The following THEMIS2 variants were observed in gnomAD, a reference collection of about 807,000 sequenced individuals.
THEMIS2 encodes the protein protein THEMIS2.
Under a neutral mutation model 46.8 loss-of-function variants are expected in THEMIS2, and 29 were observed. The ratio of observed to expected loss-of-function variants is 0.62; its 90% confidence interval spans 0.46 to 0.84. The LOEUF (loss-of-function observed/expected upper bound fraction) is 0.84. THEMIS2 is among the 40% of genes least tolerant of loss of function. The probability of loss-of-function intolerance (pLI) is 0.00; values close to 1 mark genes in which losing one functional copy is unlikely to be tolerated. For synonymous variants in THEMIS2, 335 were observed against 349.1 expected (o/e 0.96, Z 0.45); for missense variants, 698 against 834.7 (o/e 0.84, Z 2.02).
In THEMIS2 at chr1:27,882,199, A is replaced by G. The variant is rs1241941280; in HGVS notation, c.875A>G (p.Tyr292Cys). ...CAAAAAGGCCAGAGGCTTTGCGTCT[A>G]TGGCCTAGCCTCACCACCCTGGCGG... ...SLQKGQRLCV[Y>C]GLASPPWRVL... The change falls in exon 4 of 6, where the codon TAT (tyrosine) becomes TGT (cysteine). Residue 292 changes from tyrosine (Y) to cysteine (C), a missense_variant. Transcript: ENST00000373921. This position sits in a 1 kb window ranked among gnomAD's most constrained non-coding sequence, Gnocchi z 7.6. 24 of 1,613,460 alleles carry G rather than the reference A, an allele frequency of 1.5e-5. No individual in the cohort carries two copies. The highest frequency in any genetic ancestry group is 2.0e-5 in the Non-Finnish European group (24 of 1,179,668).
intron 3 of THEMIS2, among the ~76,000 whole-genome samples, chr1:27,880,346 G>A (rs770933644): frequency 1.3e-5 from 2 of 152,004 alleles, no homozygotes; most frequent in Non-Finnish European, 2.9e-5. Flanking sequence ...CACCATGCCC[G>A]GCTAATTTTT....
In THEMIS2 at chr1:27,879,885, G is replaced by A. The variant is rs2089649635; in HGVS notation, c.477G>A (p.Leu159=). Residue 159 remains leucine (L), a synonymous_variant, in exon 3 of 6, where the codon CTG becomes CTA. Coordinates refer to ENST00000373921, the MANE Select transcript of THEMIS2 (RefSeq NM_001105556.3). ...AGGGTCAGCAGGTCATCCTGCACCT[G>A]CCCCTATCCCAGAAGGGGCCCTTCT... ...GMEGQQVILH[L]PLSQKGPFWT... The A allele has an allele frequency of 6.2e-7, 1 of 1,612,932 alleles. No homozygotes were observed.
rs1459750611 is a variant in THEMIS2 at position 27,882,443 on chromosome 1, G to T, written c.1119G>T (p.Arg373=). The part of the protein sequence containing the change: ...PEFTSLAVGD[R]LEVLGPGQAH... ...TCACGTCCCTGGCTGTGGGTGACCG[G>T]CTGGAGGTGCTGGGGCCTGGCCAGG... Residue 373 remains arginine (R), a synonymous_variant, in exon 4 of 6, where the codon CGG becomes CGT. Coordinates refer to ENST00000373921, the MANE Select transcript of THEMIS2 (RefSeq NM_001105556.3). This position sits in a 1 kb window ranked among gnomAD's most constrained non-coding sequence, Gnocchi z 7.6. 2 of 1,612,590 alleles carry T rather than the reference G, an allele frequency of 1.2e-6. No individual in the cohort carries two copies. Among genetic ancestry groups the T allele is most frequent in the Non-Finnish European group, 1.7e-6 (2 of 1,178,894 alleles).
At chr1:27,874,139 C>T (rs1186256949) in intron 1 of THEMIS2, among the ~76,000 whole-genome samples, 4 of 150,530 alleles carry the variant, frequency 2.7e-5, no homozygotes, top group Non-Finnish European at 5.9e-5. Context: ...TCAAGTGATC[C>T]TCCCACCTCA....
chr1:27,873,339 G>A (rs1162944722), intron 1 of THEMIS2, among the ~76,000 whole-genome samples: 1 of 152,166 alleles, frequency 6.6e-6, no homozygotes, highest in Non-Finnish European at 1.5e-5. Context: ...ATAACAGACA[G>A]TGGAGGGCAG....
At chr1:27,874,205 T>C (rs1289051568) in intron 1 of THEMIS2, among the ~76,000 whole-genome samples, 3 of 151,412 alleles carry the variant, frequency 2.0e-5, no homozygotes, top group Non-Finnish European at 4.4e-5. Flanking sequence ...CAGCTAATTT[T>C]TGTATTTTTT....
intron 3 of THEMIS2, among the ~76,000 whole-genome samples, chr1:27,881,609 C>T (rs2089679676): frequency 6.6e-6 from 1 of 151,920 alleles, no homozygotes; most frequent in Middle Eastern, 3.2e-3. Flanking sequence ...GGGAGGATCA[C>T]CTGAGGACAG....
In THEMIS2 at chr1:27,872,708, G is replaced by A; in HGVS notation, c.94+43G>A. 1 of 1,252,696 alleles carries A rather than the reference G, an allele frequency of 8.0e-7. No homozygotes were observed. The highest frequency in any genetic ancestry group is 1.0e-6 in the Non-Finnish European group (1 of 992,536). 77.6% of individuals were successfully genotyped at this position (1,252,696 alleles called of 1,614,324 possible). A position where few individuals can be genotyped will look rare whatever the true frequency, so the allele number is the denominator to read the frequency against. Reference sequence around the variant, plus strand: ...CCCCTCCGAGCACTCCCTTGGTGTGGGGCGGGGGCAGAGACCCGGAGAAGA... The same window carrying A: ...CCCCTCCGAGCACTCCCTTGGTGTGAGGCGGGGGCAGAGACCCGGAGAAGA... On this transcript the variant is annotated intron_variant, in intron 1 of 5. Transcript: ENST00000373921. The surrounding 1 kb of genome is among the most constrained non-coding windows in gnomAD (Gnocchi z 4.9).
chr1:27,885,918 T>C lies in THEMIS2; in HGVS notation c.1928T>C (p.Ile643Thr). Residue 643 changes from isoleucine to threonine, a missense_variant, in exon 6 of 6, where the codon ATC becomes ACC. Physicochemically the swap from Ile to Thr is moderately conservative, Grantham distance 89 (BLOSUM62 -1). Coordinates refer to ENST00000373921, the MANE Select transcript of THEMIS2 (RefSeq NM_001105556.3). ...ATACTTGAGCAATTTCAGAAAACCA[T>C]CTAAGTGCTGGAGGAACCACGCTTC... ...EEILEQFQKT[I>T] 6.2e-7 allele frequency: 1 copy of C among 1,613,928 alleles called. No individual in the cohort carries two copies. Among genetic ancestry groups the C allele is most frequent in the Non-Finnish European group, 8.5e-7 (1 of 1,179,934 alleles).
intron 1 of THEMIS2, among the ~76,000 whole-genome samples, chr1:27,875,760 G>A (rs1343948743): frequency 6.6e-6 from 1 of 152,020 alleles, no homozygotes; most frequent in Non-Finnish European, 1.5e-5. Flanking sequence ...GAGTGAAGTG[G>A]CGTGATCTCG....
In THEMIS2 at chr1:27,881,985, G is replaced by C. The variant is rs1344854366; in HGVS notation, c.661G>C (p.Val221Leu). ...QAIMHMRRTIVKIPSTLEVDV... is the reference protein window; with the variant it reads ...QAIMHMRRTILKIPSTLEVDV... ...CCTCTCCACAGTGCGCAGGACCATT[G>C]TCAAGATCCCTTCTACCCTGGAGGT... Residue 221 changes from valine to leucine, a missense_variant, in exon 4 of 6, where the codon GTC (valine) becomes CTC (leucine). Val to Leu is a conservative substitution (Grantham distance 32). Transcript: ENST00000373921. 6.2e-7 allele frequency: 1 copy of C among 1,612,944 alleles called. No individual in the cohort carries two copies. Among genetic ancestry groups the C allele is most frequent in the Non-Finnish European group, 8.5e-7 (1 of 1,179,388 alleles).
chr1:27,876,265 A>C (rs1557446453), intron 1 of THEMIS2, among the ~76,000 whole-genome samples: 1 of 151,950 alleles, frequency 6.6e-6, no homozygotes, highest in Admixed American at 6.6e-5. Flanking sequence ...GACTTACCAC[A>C]TACTCAGAGG....
chr1:27,883,102 G>T, intron 4 of THEMIS2, 59 bp downstream of exon 4: 6 of 1,407,914 alleles, frequency 4.3e-6, no homozygotes, highest in Non-Finnish European at 4.9e-6. Flanking sequence ...CTGCTTCTTT[G>T]TCATGTCTGC....
chr1:27,876,984 G>C (rs902230369), intron 2 of THEMIS2, among the ~76,000 whole-genome samples: 6 of 152,192 alleles, frequency 3.9e-5, no homozygotes, highest in African/African-American at 1.4e-4. Flanking sequence ...CCCTGTCCAG[G>C]TGCCTGTCTC....
intron 2 of THEMIS2, 31 bp downstream of exon 2, chr1:27,876,759 C>A (rs760158673): frequency 2.2e-5 from 35 of 1,609,500 alleles, no homozygotes; most frequent in Non-Finnish European, 1.3e-5. Flanking sequence ...TCCCCATGTG[C>A]CCTGGCACTC....
Position 27,882,330 on chromosome 1 carries a change from G to A in THEMIS2, c.1006G>A (p.Asp336Asn), listed in dbSNP as rs992676856. The change falls in exon 4 of 6, where the codon GAC (aspartate) becomes AAC (asparagine). Residue 336 changes from aspartate to asparagine, a missense_variant. Coordinates refer to ENST00000373921, the MANE Select transcript of THEMIS2 (RefSeq NM_001105556.3). The surrounding 1 kb of genome is among the most constrained non-coding windows in gnomAD (Gnocchi z 7.6). ...RRPREFPTAYDLLGAFQPGRP... is the reference protein window; with the variant it reads ...RRPREFPTAYNLLGAFQPGRP... ...GCCAAGGGAGTTCCCCACGGCCTAT[G>A]ACCTCCTAGGTGCTTTCCAGCCAGG... The A allele has an allele frequency of 6.3e-7, 1 of 1,587,020 alleles. No individual in the cohort carries two copies. Among genetic ancestry groups the A allele is most frequent in the Non-Finnish European group, 8.6e-7 (1 of 1,164,852 alleles).
At chr1:27,880,541 G>A (rs7555608) in intron 3 of THEMIS2, among the ~76,000 whole-genome samples, 45,459 of 152,112 alleles carry the variant, frequency 0.3, 7,954 homozygotes, top group Middle Eastern at 0.42. Flanking sequence ...AGTGGCTCAC[G>A]CATGTAATAC....
chr1:27,883,099 T>C, intron 4 of THEMIS2, 56 bp downstream of exon 4: 3 of 1,431,904 alleles, frequency 2.1e-6, no homozygotes, highest in Non-Finnish European at 2.9e-6. Flanking sequence ...TCACTGCTTC[T>C]TTGTCATGTC....
chr1:27,874,033 G>GTTTTTGTTTTT (rs2089534433), intron 1 of THEMIS2, among the ~76,000 whole-genome samples: 2 of 97,136 alleles, frequency 2.1e-5, no homozygotes, highest in Admixed American at 2.4e-4. Flanking sequence ...TTCAACCTAG[G>GTTTTTGTTTTT]TTTTTTTTTT....
Sources: allele counts gnomAD v4.1 joint callset (sites outside exome capture counted in the v4.1 genomes callset), GRCh38; gene constraint gnomAD v4.1.1; non-coding constraint Gnocchi (gnomAD v3.1); transcripts MANE v1.5; gene names NCBI Gene and HGNC (gene_info 2026-07-23, HGNC 2026-07-21).